The following PSMA6 variants were observed in gnomAD, a reference collection of about 807,000 sequenced individuals.
PSMA6 encodes proteasome subunit alpha type-6.
For synonymous variants in PSMA6, 88 were observed against 97.7 expected, an observed-to-expected ratio of 0.90 and a Z score of 0.59; for missense variants, 170 against 294.8, an observed-to-expected ratio of 0.58 and a Z score of 3.10.
chr14:35,308,279 G>A, intron 2 of PSMA6, 191 bp downstream of exon 2: 1 of 536,758 alleles, frequency 1.9e-6, no homozygotes, highest in East Asian at 5.0e-5. Context: ...AAATTAGTCA[G>A]GCGTGGTGGC....
At chr14:35,292,352 C>G (rs1468637914), upstream of PSMA6, 6 of 1,524,484 alleles carry the variant, frequency 3.9e-6, no homozygotes, top group East Asian at 7.0e-5. Flanking sequence ...GTTCGGCATG[C>G]AAGAGCGGAA....
In PSMA6 at chr14:35,313,051, A is replaced by G; in HGVS notation, c.580A>G (p.Thr194Ala). Reference sequence around the variant, plus strand: ...GAAATTTGATTGGACATTTGAACAGACAGTGGAAGTAAGTCAACCAAAAGG... The same window carrying G: ...GAAATTTGATTGGACATTTGAACAGGCAGTGGAAGTAAGTCAACCAAAAGG... The part of the protein sequence containing the change: ...KKKFDWTFEQ[T>A]VETAITCLST... Residue 194 changes from threonine (T) to alanine (A), a missense_variant, in exon 5 of 7, where the codon ACA becomes GCA. Physicochemically the swap from Thr to Ala is moderately conservative, Grantham distance 58. Transcript: ENST00000261479. The G allele has an allele frequency of 6.4e-7, 1 of 1,571,022 alleles. No homozygotes were observed. The highest frequency in any genetic ancestry group is 8.6e-7 in the Non-Finnish European group (1 of 1,167,306).
intron 5 of PSMA6, chr14:35,313,424 A>G (rs1369315503): frequency 1.2e-5 from 2 of 162,830 alleles, no homozygotes; most frequent in African/African-American, 4.8e-5. Flanking sequence ...CTGCCAAGAA[A>G]TTAAAAACAA....
At chr14:35,297,119 GTTTTTTTTTTTTT>G (rs924383407) in intron 1 of PSMA6, among the ~76,000 whole-genome samples, 1 of 62,656 alleles carries the variant, frequency 1.6e-5, no homozygotes, top group Admixed American at 2.2e-4. Context: ...TCTTAACAAA[GTTTTTTTTTTTTT>G]TTTTTTTTTT....
At position 35,310,843 on chromosome 14, in the gene PSMA6, C is replaced by T. The variant is rs771444068; in HGVS notation, c.357C>T (p.Ala119=). 20 of 1,613,708 alleles carry T rather than the reference C, an allele frequency of 1.2e-5. No individual in the cohort carries two copies. The highest frequency in any genetic ancestry group is 1.6e-5 in the Non-Finnish European group (19 of 1,179,868). The change falls in exon 4 of 7, where the codon GCC becomes GCT. Residue 119 remains alanine (A), a synonymous_variant. Coordinates refer to ENST00000261479, the MANE Select transcript of PSMA6 (RefSeq NM_002791.3). ...TGGACATGCTGTGTAAAAGAATTGC[C>T]GATATTTCTCAGGTCTACACACAGA... ...IPVDMLCKRI[A]DISQVYTQNA...
At chr14:35,293,657 A>G (rs141899650) in intron 1 of PSMA6, among the ~76,000 whole-genome samples, 1 of 152,374 alleles carries the variant, frequency 6.6e-6, no homozygotes, top group East Asian at 1.9e-4. Flanking sequence ...AGCAAGAAAC[A>G]TCTTGTTGGA....
At chr14:35,307,365 A>C (rs2051848195) in intron 1 of PSMA6, among the ~76,000 whole-genome samples, 1 of 152,246 alleles carries the variant, frequency 6.6e-6, no homozygotes, top group Admixed American at 6.5e-5. Flanking sequence ...CAGACTTAGA[A>C]ATAATGGCCA....
intron 6 of PSMA6, chr14:35,315,081 C>G (rs2052021239): frequency 1.3e-5 from 2 of 151,896 alleles, no homozygotes; most frequent in African/African-American, 4.8e-5. Flanking sequence ...TCATTTAATC[C>G]TCCCAGCAGC....
intron 1 of PSMA6, among the ~76,000 whole-genome samples, chr14:35,294,324 C>T (rs2051541786): frequency 6.6e-6 from 1 of 152,258 alleles, no homozygotes; most frequent in South Asian, 2.1e-4. Context: ...AGCACCGGGC[C>T]TAGCACCAGC....
At chr14:35,278,769 C>A (rs746675077) in intron 1 of PSMA6, 172 of 1,516,148 alleles carry the variant, frequency 1.1e-4, no homozygotes, top group Non-Finnish European at 1.5e-4. Context: ...ATTACTGATT[C>A]TTTGAAAATA....
chr14:35,310,319 G>C (rs1181053407), intron 3 of PSMA6: 1 of 374,814 alleles, frequency 2.7e-6, no homozygotes. Context: ...ACCACGTGCA[G>C]CTAATTTTAT....
chr14:35,288,815 C>G (rs1440207097), upstream of PSMA6, among the ~76,000 whole-genome samples: 1 of 152,226 alleles, frequency 6.6e-6, no homozygotes, highest in Non-Finnish European at 1.5e-5. Flanking sequence ...CACCTGTAAT[C>G]TCAGCACTTT....
intron 1 of PSMA6, among the ~76,000 whole-genome samples, chr14:35,305,771 A>G (rs1445099273): frequency 1.3e-5 from 2 of 152,198 alleles, no homozygotes; most frequent in Admixed American, 6.5e-5. Flanking sequence ...TACCATGAGC[A>G]TGTATTGATT....
intron 1 of PSMA6, among the ~76,000 whole-genome samples, chr14:35,306,726 A>G (rs562571492): frequency 4.7e-4 from 71 of 152,224 alleles, no homozygotes; most frequent in African/African-American, 1.6e-3. Context: ...AAAGACAGCC[A>G]TTATCAATTA....
At chr14:35,310,647 T>C (rs1455565840) in intron 3 of PSMA6, 93 bp from the exon 4 acceptor site, 2 of 1,294,204 alleles carry the variant, frequency 1.5e-6, no homozygotes, top group Non-Finnish European at 2.2e-6. Flanking sequence ...CATGTATGTC[T>C]ATATGGTGGG....
chr14:35,278,613 C>T (rs968270958), upstream of PSMA6: 15 of 1,407,174 alleles, frequency 1.1e-5, no homozygotes, highest in Admixed American at 2.0e-5. Context: ...TCCATCCATG[C>T]GGCTCTGCTG....
chr14:35,292,497 C>T lies in PSMA6; in HGVS notation c.21C>T (p.Ala7=), dbSNP rs11547366. 11 of 1,613,782 alleles carry T rather than the reference C, an allele frequency of 6.8e-6. No homozygotes were observed. Among genetic ancestry groups the T allele is most frequent in the Admixed American group, 6.7e-5 (4 of 59,986 alleles). The change falls in exon 1 of 7, where the codon GCC becomes GCT. Residue 7 remains alanine, a synonymous_variant. Transcript: ENST00000261479. The part of the protein sequence containing the change: MSRGSS[A]GFDRHITIFS... ...CCAACATGTCCCGTGGTTCCAGCGC[C>T]GGTTTTGACCGCCACATTACCATTT...
intron 3 of PSMA6, among the ~76,000 whole-genome samples, chr14:35,310,481 C>T (rs1008797917): frequency 1.3e-5 from 2 of 152,160 alleles, no homozygotes; most frequent in Admixed American, 1.3e-4. Context: ...TGGATACTTG[C>T]AGAAACTATT....
intron 5 of PSMA6, chr14:35,313,390 GGT>G (rs1272387256): frequency 5.1e-6 from 1 of 197,018 alleles, no homozygotes; most frequent in Non-Finnish European, 1.0e-5. Context: ...CTTGAGTCTA[GGT>G]GTTCGAGGCC....
Sources: gnomAD v4.1 joint callset for allele counts (sites outside exome capture counted in the v4.1 genomes callset) on GRCh38, gnomAD v4.1.1 for gene constraint, MANE v1.5 for transcripts, NCBI Gene and HGNC (gene_info 2026-07-23, HGNC 2026-07-21) for gene names.